Variants in ERC1 observed in about 807,000 individuals in gnomAD.
The protein encoded by ERC1 is ELKS/RAB6-interacting/CAST family member 1.
In ERC1, 56 loss-of-function variants were observed where a neutral mutation model predicts 132.0. That is an observed-to-expected ratio of 0.42 (90% confidence interval 0.34 to 0.53). The LOEUF (loss-of-function observed/expected upper bound fraction) is 0.53. Ranked by LOEUF, ERC1 falls within the 20% of genes least tolerant of loss-of-function variation. The pLI is 0.03. For synonymous variants in ERC1, 478 were observed against 476.1 expected (o/e 1.00, Z -0.05); for missense variants, 1,202 against 1,349.9 (o/e 0.89, Z 1.72).
At chr12:1,234,809 C>T (rs972866489) in intron 12 of ERC1, among the ~76,000 whole-genome samples, 4 of 152,038 alleles carry the variant, frequency 2.6e-5, no homozygotes, top group African/African-American at 9.7e-5. Flanking sequence ...AGTGGCAATG[C>T]ATGTAAATAT....
At chr12:999,375 C>T (rs987922701) in intron 1 of ERC1, among the ~76,000 whole-genome samples, 6 of 152,166 alleles carry the variant, frequency 3.9e-5, no homozygotes, top group African/African-American at 1.4e-4. Context: ...ACATCCAGAA[C>T]GGAATGTATG....
At chr12:1,294,468 T>TTCTCTCTCTCTATCAATATA (rs2079757128) in intron 15 of ERC1, among the ~76,000 whole-genome samples, 1 of 152,196 alleles carries the variant, frequency 6.6e-6, no homozygotes. Context: ...GTTTTCAGCT[T>TTCTCTCTCTCTATCAATATA]TCAAAATTCT....
At chr12:1,245,007 G>C (rs1485776469) in intron 13 of ERC1, 2 of 152,838 alleles carry the variant, frequency 1.3e-5, no homozygotes, top group African/African-American at 2.4e-5. Flanking sequence ...GTGATGTTAA[G>C]TTCATCACTG....
intron 8 of ERC1, among the ~76,000 whole-genome samples, chr12:1,157,811 T>C (rs1951541788): frequency 6.6e-6 from 1 of 152,206 alleles, no homozygotes; most frequent in Admixed American, 6.5e-5. Flanking sequence ...AAATTGACCA[T>C]TGGCTTTAAT....
intron 4 of ERC1, among the ~76,000 whole-genome samples, chr12:1,107,211 G>A (rs534191076): frequency 2.0e-5 from 3 of 149,562 alleles, no homozygotes; most frequent in Non-Finnish European, 4.4e-5. Flanking sequence ...CTATTTTTTT[G>A]TTTGTTTGTT....
In ERC1 at chr12:1,494,025, G is replaced by A. The variant is rs2094341510; in HGVS notation, c.*3795G>A. 1 of 232,282 alleles carries A rather than the reference G, an allele frequency of 4.3e-6. No homozygotes were observed. Among genetic ancestry groups the A allele is most frequent in the Non-Finnish European group, 8.5e-6 (1 of 117,552 alleles). The allele number at this position is 232,282 out of a possible 1,614,324, so 14.4% of individuals were successfully genotyped here. On this transcript the variant is annotated 3_prime_UTR_variant, in exon 19 of 19. Transcript: ENST00000360905. The stretch of plus-strand genomic sequence containing the variant: ...CCCAGAACCATCCCGCCCTCCTGTT[G>A]ACCATGTTACTTGAGTGTAGGCCCG...
rs186943325 is a variant in ERC1, at chr12:1,437,863, A to C, written c.3025-6699A>C. On this transcript the variant is annotated intron_variant, in intron 17 of 18. Coordinates refer to ENST00000360905, the MANE Select transcript of ERC1 (RefSeq NM_178040.4). ...AAGAAATGATCATTTGTTATTTTCA[A>C]AAATGATTCTCATGTTTCTTTGCAT... Among the ~76,000 whole-genome samples the C allele has an allele frequency of 2.3e-3, 347 of 152,196 alleles. 2 individuals are homozygous for C. The highest frequency in any genetic ancestry group is 6.8e-3 in the Middle Eastern group (2 of 294).
intron 13 of ERC1, among the ~76,000 whole-genome samples, chr12:1,245,855 T>C (rs925864572): frequency 6.6e-6 from 1 of 152,232 alleles, no homozygotes; most frequent in Non-Finnish European, 1.5e-5. Flanking sequence ...ATTACTGTGA[T>C]TTATAGTAAC....
intron 18 of ERC1, among the ~76,000 whole-genome samples, chr12:1,486,703 G>A (rs1430226075): frequency 6.6e-6 from 1 of 152,108 alleles, no homozygotes; most frequent in Non-Finnish European, 1.5e-5. Context: ...GGGTTTACAG[G>A]CGTGAGCCAC....
chr12:1,158,804 T>C (rs1158977088), intron 8 of ERC1, among the ~76,000 whole-genome samples: 1 of 152,128 alleles, frequency 6.6e-6, no homozygotes, highest in African/African-American at 2.4e-5. Context: ...TTCTTTGAAT[T>C]GTTTTGTATG....
intron 14 of ERC1, among the ~76,000 whole-genome samples, chr12:1,274,675 T>G (rs1417735951): frequency 6.6e-6 from 1 of 152,022 alleles, no homozygotes; most frequent in East Asian, 1.9e-4. Context: ...GTATTTTTAG[T>G]AGAGATGGGA....
In ERC1 at chr12:1,159,645, A is replaced by G. The variant is rs760301596; in HGVS notation, c.1737+17858A>G. ...GGCAGCCCCCAAATCTCAATATCCT[A>G]CGTGAAGTATTTTTATTCCCCTCAT... On this transcript the variant is annotated intron_variant, in intron 8 of 18. Transcript: ENST00000360905. Among the ~76,000 whole-genome samples, 13 of 152,148 alleles carry G rather than the reference A, an allele frequency of 8.5e-5. 1 individual carries two copies. The highest frequency in any genetic ancestry group is 1.6e-4 in the Non-Finnish European group (11 of 68,018).
intron 2 of ERC1, among the ~76,000 whole-genome samples, chr12:1,047,570 G>A (rs1010698936): frequency 6.6e-6 from 1 of 152,142 alleles, no homozygotes; most frequent in Non-Finnish European, 1.5e-5. Context: ...ACAAGTAAGT[G>A]AATAAACTAG....
At chr12:1,297,936 T>C (rs192941863) in intron 15 of ERC1, among the ~76,000 whole-genome samples, 7 of 152,122 alleles carry the variant, frequency 4.6e-5, no homozygotes, top group Non-Finnish European at 8.8e-5. Context: ...GTAGAAAATA[T>C]GAACTGTTGG....
chr12:1,448,362 C>T (rs1318738395), intron 18 of ERC1, among the ~76,000 whole-genome samples: 1 of 152,202 alleles, frequency 6.6e-6, no homozygotes, highest in African/African-American at 2.4e-5. Flanking sequence ...CTATAAGCTT[C>T]TTCATAGCTT....
chr12:1,110,354 G>T lies in ERC1; in HGVS notation c.1317+7G>T, dbSNP rs140168066. The T allele has an allele frequency of 4.3e-4, 681 of 1,585,048 alleles. 10 individuals carry two copies. In the East Asian group the frequency reaches 0.013, roughly 31 times the overall value. ...TAAATTTATGAAAAATAAGGTAATG[G>T]CATGTGAGACTTTTGATTCTTAAAA... On this transcript the variant is annotated splice_region_variant and intron_variant, in intron 5 of 18. Transcript: ENST00000360905.
chr12:1,026,074 A>G (rs1357785728), intron 1 of ERC1, among the ~76,000 whole-genome samples: 1 of 152,128 alleles, frequency 6.6e-6, no homozygotes, highest in African/African-American at 2.4e-5. Context: ...GGAATTACAG[A>G]TGTAAGCCAC....
intron 7 of ERC1, among the ~76,000 whole-genome samples, chr12:1,118,624 A>G (rs888143909): frequency 4.6e-5 from 7 of 152,224 alleles, no homozygotes; most frequent in South Asian, 2.1e-4. Flanking sequence ...TAATATGTCT[A>G]TTTATTAGCA....
intron 2 of ERC1, 37 bp from the exon 3 acceptor site, chr12:1,083,127 A>G (rs748040325): frequency 1.3e-6 from 2 of 1,556,602 alleles, no homozygotes; most frequent in South Asian, 2.5e-5. Flanking sequence ...TGAGGAGGAA[A>G]GCTGATTTGG....
Sources: gnomAD v4.1 joint callset for allele counts (sites outside exome capture counted in the v4.1 genomes callset) on GRCh38, gnomAD v4.1.1 for gene constraint, MANE v1.5 for transcripts, NCBI Gene and HGNC (gene_info 2026-07-23, HGNC 2026-07-21) for gene names.